ANKFY1: variants seen among roughly 807,000 people sequenced by gnomAD.
ANKFY1 encodes ankyrin repeat and FYVE domain-containing protein 1.
ANKFY1 carries 47 observed loss-of-function variants against 128.3 expected under a neutral mutation model. That is an observed-to-expected ratio of 0.37 (90% confidence interval 0.29 to 0.47). The LOEUF is 0.47. Among genes scored for constraint, ANKFY1 ranks in the 20% least tolerant of loss-of-function variants. The probability of loss-of-function intolerance (pLI) is 1.00; values close to 1 mark genes in which losing one functional copy is unlikely to be tolerated. For synonymous variants in ANKFY1, 553 were observed against 601.6 expected, an observed-to-expected ratio of 0.92 and a Z score of 1.18; for missense variants, 1,222 against 1,510.6, an observed-to-expected ratio of 0.81 and a Z score of 3.17.
rs1333307862 is a variant in ANKFY1, at chr17:4,208,973, C to T, written c.582+851G>A. On this transcript the variant is annotated intron_variant, in intron 5 of 24. Coordinates refer to ENST00000341657, the MANE Select transcript of ANKFY1 (RefSeq NM_001330063.2). ...ACTCAGGAGGCCAAGGCAGGAGAATCGCTTGAACCTGGGAGGCGGAGGTTG... is the reference window on the plus strand; with the variant it reads ...ACTCAGGAGGCCAAGGCAGGAGAATTGCTTGAACCTGGGAGGCGGAGGTTG... Among the ~76,000 whole-genome samples the T allele has an allele frequency of 4.0e-5, 6 of 151,896 alleles. No individual in the cohort carries two copies. The East Asian group carries it at 5.8e-4, about 15-fold the overall frequency.
intron 1 of ANKFY1, among the ~76,000 whole-genome samples, chr17:4,246,385 G>T (rs1253323919): frequency 6.6e-6 from 1 of 152,164 alleles, no homozygotes; most frequent in Non-Finnish European, 1.5e-5. Flanking sequence ...CATAAACACA[G>T]TATATTTCTC....
At chr17:4,193,562 G>A (rs2059757411) in intron 10 of ANKFY1, among the ~76,000 whole-genome samples, 1 of 151,338 alleles carries the variant, frequency 6.6e-6, no homozygotes, top group Non-Finnish European at 1.5e-5. Context: ...CAAGTAGCTG[G>A]GATTACAGGC....
At chr17:4,228,946 C>A (rs2060470241) in intron 3 of ANKFY1, among the ~76,000 whole-genome samples, 2 of 152,326 alleles carry the variant, frequency 1.3e-5, no homozygotes, top group African/African-American at 2.4e-5. Flanking sequence ...TCCTTGCTAA[C>A]TGTGTGGAGT....
chr17:4,229,018 CTAT>C (rs1188943823), intron 3 of ANKFY1, among the ~76,000 whole-genome samples: 3 of 152,112 alleles, frequency 2.0e-5, no homozygotes, highest in African/African-American at 7.2e-5. Flanking sequence ...TAAAAACTTG[CTAT>C]TATTACAATA....
At chr17:4,214,253 C>A (rs1381547119) in intron 4 of ANKFY1, among the ~76,000 whole-genome samples, 1 of 152,156 alleles carries the variant, frequency 6.6e-6, no homozygotes, top group Non-Finnish European at 1.5e-5. Flanking sequence ...GAAAGCAGAT[C>A]TTTTATTAAA....
At chr17:4,229,538 CTAAATA>C (rs2143211975) in intron 3 of ANKFY1, among the ~76,000 whole-genome samples, 1 of 151,972 alleles carries the variant, frequency 6.6e-6, no homozygotes, top group East Asian at 1.9e-4. Flanking sequence ...ATTGAATTGG[CTAAATA>C]TAAATAAAAA....
chr17:4,224,620 T>A (rs1223332741), intron 3 of ANKFY1, among the ~76,000 whole-genome samples: 1 of 152,004 alleles, frequency 6.6e-6, no homozygotes, highest in African/African-American at 2.4e-5. Flanking sequence ...AAATTTTTTT[T>A]AATACTTATT....
At chr17:4,195,273 G>T in intron 9 of ANKFY1, 96 bp from the exon 10 acceptor site, 1 of 1,341,582 alleles carries the variant, frequency 7.5e-7, no homozygotes, top group South Asian at 1.4e-5. Flanking sequence ...CTTTTTCAAT[G>T]ACACATTTTT....
intron 3 of ANKFY1, among the ~76,000 whole-genome samples, chr17:4,225,216 G>A (rs2060405137): frequency 6.6e-6 from 1 of 152,040 alleles, no homozygotes; most frequent in Non-Finnish European, 1.5e-5. Flanking sequence ...AAGTAGCCGA[G>A]CGTAGTGGTG....
chr17:4,263,926 C>G lies in ANKFY1; in HGVS notation c.10+6G>C. The G allele has an allele frequency of 1.2e-6, 2 of 1,613,956 alleles. No homozygotes were observed. The highest frequency in any genetic ancestry group is 1.7e-6 in the Non-Finnish European group (2 of 1,179,920). On this transcript the variant is annotated splice_donor_region_variant and intron_variant, in intron 1 of 24. Coordinates refer to ENST00000341657, the MANE Select transcript of ANKFY1 (RefSeq NM_001330063.2). ...CTTCCCGCGCGGCTCCACAAAAAAA[C>G]CCTACCTTCCGCCATGTCTGGCCCG...
intron 3 of ANKFY1, among the ~76,000 whole-genome samples, chr17:4,226,228 T>C (rs151238034): frequency 2.0e-4 from 30 of 152,298 alleles, no homozygotes; most frequent in Middle Eastern, 3.4e-3. Flanking sequence ...CTTTAAGGAA[T>C]TGATAGAACT....
chr17:4,263,712 A>G, intron 1 of ANKFY1: 1 of 1,484,790 alleles, frequency 6.7e-7, no homozygotes, highest in South Asian at 1.3e-5. Context: ...AGCCGGCCGC[A>G]GTCCCGCGGG....
At chr17:4,202,696 CAAAAAAA>C (rs60561665) in intron 7 of ANKFY1, among the ~76,000 whole-genome samples, 15 of 74,744 alleles carry the variant, frequency 2.0e-4, no homozygotes, top group Middle Eastern at 0.013. Context: ...AACTCCGTCT[CAAAAAAA>C]AAAAAAAAAA....
intron 3 of ANKFY1, among the ~76,000 whole-genome samples, chr17:4,219,547 C>G (rs527411339): frequency 3.1e-4 from 47 of 152,194 alleles, no homozygotes; most frequent in East Asian, 1.5e-3. Context: ...ACCTTATTAA[C>G]TTCATAATTA....
chr17:4,249,552 T>TA (rs1967725740), intron 1 of ANKFY1, among the ~76,000 whole-genome samples: 1 of 152,176 alleles, frequency 6.6e-6, no homozygotes, highest in Admixed American at 6.5e-5. Flanking sequence ...CTGGTGATTT[T>TA]AAAGAATTAG....
chr17:4,223,715 G>A, intron 3 of ANKFY1: 1 of 1,599,214 alleles, frequency 6.3e-7, no homozygotes, highest in Non-Finnish European at 8.6e-7. Flanking sequence ...CTGTCCTGAT[G>A]AACCATTTGC....
intron 13 of ANKFY1, 119 bp from the exon 14 acceptor site, chr17:4,183,670 G>C: frequency 7.0e-7 from 1 of 1,425,500 alleles, no homozygotes; most frequent in Non-Finnish European, 9.6e-7. Flanking sequence ...GGATCTAACA[G>C]GCTTAACTCA....
intron 7 of ANKFY1, among the ~76,000 whole-genome samples, chr17:4,200,344 G>T: frequency 6.6e-6 from 1 of 152,146 alleles, no homozygotes; most frequent in East Asian, 1.9e-4. Context: ...GATTACAGGC[G>T]TGAGCCACGG....
chr17:4,246,399 G>A (rs1598143997), intron 1 of ANKFY1, among the ~76,000 whole-genome samples: 1 of 152,098 alleles, frequency 6.6e-6, no homozygotes, highest in Non-Finnish European at 1.5e-5. Context: ...ATTTCTCTAC[G>A]AGAAATACAA....
Sources: gnomAD v4.1 joint callset for allele counts (sites outside exome capture counted in the v4.1 genomes callset) on GRCh38, gnomAD v4.1.1 for gene constraint, MANE v1.5 for transcripts, NCBI Gene and HGNC (gene_info 2026-07-23, HGNC 2026-07-21) for gene names.